CREBL2: variants seen among roughly 807,000 people sequenced by gnomAD.
CREBL2 encodes the protein cAMP-responsive element-binding protein-like 2.
A neutral mutation model predicts 19.5 loss-of-function variants in CREBL2; 4 were observed. The ratio of observed to expected loss-of-function variants is 0.20; its 90% CI spans 0.10 to 0.47. The LOEUF is 0.47. Among genes scored for constraint, CREBL2 ranks in the 20% least tolerant of loss-of-function variants. The probability of loss-of-function intolerance (pLI) is 0.98; values close to 1 mark genes in which losing one functional copy is unlikely to be tolerated. For synonymous variants in CREBL2, 42 were observed against 46.6 expected (o/e 0.90, Z 0.40); for missense variants, 85 against 145.1 (o/e 0.59, Z 2.13).
At chr12:12,623,443 G>A (rs1198049351) in intron 1 of CREBL2, among the ~76,000 whole-genome samples, 2 of 152,228 alleles carry the variant, frequency 1.3e-5, no homozygotes, top group African/African-American at 4.8e-5. Flanking sequence ...GTGGTGGTCA[G>A]TGAGAGCTTC....
chr12:12,644,277 G>A lies in CREBL2; in HGVS notation c.*2279G>A, dbSNP rs1945548269. 1.3e-5 allele frequency: 2 copies of A among 152,174 alleles called. No individual in the cohort carries two copies. The highest frequency in any genetic ancestry group is 2.9e-5 in the Non-Finnish European group (2 of 68,026). The allele number at this position is 152,174 out of a possible 1,614,324, so 9.4% of individuals were successfully genotyped here. Reference sequence around the variant, plus strand: ...GCTATTGTGCTGGCTGGACACTTTGGTCACTTTTGAAGCATGTTAATAAAT... The same window carrying A: ...GCTATTGTGCTGGCTGGACACTTTGATCACTTTTGAAGCATGTTAATAAAT... On this transcript the variant is annotated 3_prime_UTR_variant, in exon 4 of 4. Transcript: ENST00000228865.
At position 12,637,700 on chromosome 12, in the gene CREBL2, C is replaced by T. The variant is rs769968613; in HGVS notation, c.344C>T (p.Ala115Val). The T allele has an allele frequency of 9.9e-6, 16 of 1,610,358 alleles. No homozygotes were observed. The highest frequency in any genetic ancestry group is 1.1e-5 in the Non-Finnish European group (13 of 1,178,824). ...CATACCAAGGCTGGGAAGACAGATGCTAATAGCAATTCCTGTAAGTGCCAT... is the reference window on the plus strand; with the variant it reads ...CATACCAAGGCTGGGAAGACAGATGTTAATAGCAATTCCTGTAAGTGCCAT... ...SRHTKAGKTD[A>V]NSNSW The change falls in exon 3 of 4, where the codon GCT becomes GTT. Residue 115 changes from alanine to valine, a missense_variant. This residue lies in a region of CREBL2 where 42 missense variants were observed against 38.4 expected (regional missense o/e 1.09). Coordinates refer to ENST00000228865, the MANE Select transcript of CREBL2 (RefSeq NM_001310.4).
At chr12:12,613,990 C>CTT (rs57522744) in intron 1 of CREBL2, among the ~76,000 whole-genome samples, 3 of 72,960 alleles carry the variant, frequency 4.1e-5, no homozygotes, top group African/African-American at 1.7e-4. Flanking sequence ...TCTTTTTTTT[C>CTT]TTTTTTTTTT....
rs1245642002 is a variant in CREBL2, at chr12:12,643,365, C to CT, written c.*1368dup. 6.6e-6 allele frequency: 1 copy of CT among 152,648 alleles called. No individual in the cohort carries two copies. Among genetic ancestry groups the CT allele is most frequent in the African/African-American group, 2.4e-5 (1 of 41,442 alleles). 9.5% of individuals were successfully genotyped at this position (152,648 alleles called of 1,614,324 possible). A position where few individuals can be genotyped will look rare whatever the true frequency, so the allele number is the denominator to read the frequency against. ...TTTCCCCAGCGAGATACTTACCACT[C>CT]TCTCTTCTCTTTCCCATGGTTAAAA... On this transcript the variant is annotated 3_prime_UTR_variant, in exon 4 of 4. Coordinates refer to ENST00000228865, the MANE Select transcript of CREBL2 (RefSeq NM_001310.4).
chr12:12,637,272 G>A (rs937659573), intron 2 of CREBL2, among the ~76,000 whole-genome samples: 1 of 151,980 alleles, frequency 6.6e-6, no homozygotes, highest in African/African-American at 2.4e-5. Flanking sequence ...GGCACACTGT[G>A]GGGAGATGTC....
intron 1 of CREBL2, among the ~76,000 whole-genome samples, chr12:12,630,667 GTTTC>G (rs1170343558): frequency 6.6e-6 from 1 of 151,916 alleles, no homozygotes; most frequent in Non-Finnish European, 1.5e-5. Context: ...TCTTTTGCTA[GTTTC>G]TTAAGGTGGA....
At chr12:12,618,324 G>T (rs377308264) in intron 1 of CREBL2, among the ~76,000 whole-genome samples, 1 of 151,804 alleles carries the variant, frequency 6.6e-6, no homozygotes, top group South Asian at 2.1e-4. Flanking sequence ...CGGGGCAGCC[G>T]GGCAGAGATG....
chr12:12,636,867 G>A (rs1295950340), intron 2 of CREBL2, among the ~76,000 whole-genome samples: 1 of 152,218 alleles, frequency 6.6e-6, no homozygotes, highest in Non-Finnish European at 1.5e-5. Context: ...AGAGAGAGAT[G>A]ATATTACTGT....
At position 12,612,958 on chromosome 12, in the gene CREBL2, G is replaced by A. The variant is rs1051775913; in HGVS notation, c.15+771G>A. ...GCGATCTCGGCTCACCACAACCTCCGCCTCCCGGGTTCAAGCGATTCTCCT... is the reference window on the plus strand; with the variant it reads ...GCGATCTCGGCTCACCACAACCTCCACCTCCCGGGTTCAAGCGATTCTCCT... On this transcript the variant is annotated intron_variant, in intron 1 of 3. Coordinates refer to ENST00000228865, the MANE Select transcript of CREBL2 (RefSeq NM_001310.4). Among the ~76,000 whole-genome samples the A allele has an allele frequency of 3.3e-5, 5 of 152,054 alleles. 1 individual carries two copies. In the South Asian group the frequency reaches 1.0e-3, roughly 32 times the overall value.
At chr12:12,640,391 A>T (rs929128553) in intron 3 of CREBL2, among the ~76,000 whole-genome samples, 2 of 152,206 alleles carry the variant, frequency 1.3e-5, no homozygotes, top group Non-Finnish European at 1.5e-5. Context: ...CAAGAAGAGA[A>T]ATATGGCTCT....
At chr12:12,619,610 C>CAAGGAAA (rs1555173907) in intron 1 of CREBL2, among the ~76,000 whole-genome samples, 2 of 151,656 alleles carry the variant, frequency 1.3e-5, no homozygotes, top group African/African-American at 4.9e-5. Context: ...GACTCTGTCT[C>CAAGGAAA]AAAGGAAAAA....
intron 1 of CREBL2, among the ~76,000 whole-genome samples, chr12:12,630,835 C>T (rs952426511): frequency 1.3e-5 from 2 of 152,168 alleles, no homozygotes; most frequent in Non-Finnish European, 2.9e-5. Flanking sequence ...TCTAATTTCC[C>T]TTGTAATCAC....
chr12:12,633,572 A>T (rs1945455444), intron 1 of CREBL2, among the ~76,000 whole-genome samples: 1 of 152,072 alleles, frequency 6.6e-6, no homozygotes, highest in Non-Finnish European at 1.5e-5. Flanking sequence ...GAAAGGACAG[A>T]TTTTTTTTCC....
At chr12:12,613,990 C>CTTT (rs57522744) in intron 1 of CREBL2, among the ~76,000 whole-genome samples, 2 of 72,962 alleles carry the variant, frequency 2.7e-5, no homozygotes, top group African/African-American at 5.5e-5. Flanking sequence ...TCTTTTTTTT[C>CTTT]TTTTTTTTTT....
At chr12:12,638,784 G>T (rs1024841702) in intron 3 of CREBL2, among the ~76,000 whole-genome samples, 3 of 152,156 alleles carry the variant, frequency 2.0e-5, no homozygotes, top group African/African-American at 7.2e-5. Context: ...CCTAATCCAG[G>T]CTGTCTAGTG....
Position 12,611,916 on chromosome 12 carries a change from A to C in CREBL2, c.-257A>C, listed in dbSNP as rs1356195319. The C allele has an allele frequency of 1.8e-6, 1 of 566,308 alleles. No individual in the cohort carries two copies. 35.1% of individuals were successfully genotyped at this position (566,308 alleles called of 1,614,324 possible). On this transcript the variant is annotated 5_prime_UTR_variant, in exon 1 of 4. Transcript: ENST00000228865. ...CCAGAGCGTCTGTAAACACCCAGAG[A>C]CTGTCATGGAGGGGGAGGAGGAGGC...
chr12:12,639,859 A>C (rs1275963236), intron 3 of CREBL2, among the ~76,000 whole-genome samples: 1 of 152,186 alleles, frequency 6.6e-6, no homozygotes, highest in East Asian at 1.9e-4. Context: ...TAAGGGTTTC[A>C]AAAGGGGAGG....
chr12:12,639,544 A>G (rs1409318179), intron 3 of CREBL2, among the ~76,000 whole-genome samples: 3 of 152,224 alleles, frequency 2.0e-5, no homozygotes, highest in Non-Finnish European at 4.4e-5. Context: ...CCTAATGCCT[A>G]ATGATGCTGA....
At chr12:12,634,808 C>A (rs1233957155) in intron 1 of CREBL2, among the ~76,000 whole-genome samples, 1 of 152,176 alleles carries the variant, frequency 6.6e-6, no homozygotes, top group East Asian at 1.9e-4. Flanking sequence ...GTAATCCCAG[C>A]ACTTTGAGAG....
Sources: gnomAD v4.1 joint callset for allele counts (sites outside exome capture counted in the v4.1 genomes callset) on GRCh38, gnomAD v4.1.1 for gene constraint, gnomAD v4.1.1 regional missense constraint, MANE v1.5 for transcripts, NCBI Gene and HGNC (gene_info 2026-07-23, HGNC 2026-07-21) for gene names.